Variants in SMYD3 observed in about 807,000 individuals in gnomAD.
SMYD3 encodes SET and MYND domain containing 3.
SMYD3 carries 36 observed loss-of-function variants against 57.7 expected under a neutral mutation model. The observed-to-expected ratio is 0.62, with a 90% CI of 0.48 to 0.82. SMYD3 has a LOEUF of 0.82. SMYD3 is among the 40% of genes least tolerant of loss of function. The pLI is 0.00. For missense variants in SMYD3, 515 were observed against 538.8 expected, an observed-to-expected ratio of 0.96 and a Z score of 0.44; for synonymous variants, 211 against 195.0, an observed-to-expected ratio of 1.08 and a Z score of -0.68.
intron 1 of SMYD3, among the ~76,000 whole-genome samples, chr1:246,410,307 T>C (rs2066942997): frequency 6.6e-6 from 1 of 152,194 alleles, no homozygotes; most frequent in Non-Finnish European, 1.5e-5. Context: ...GGCTGTGGGT[T>C]TGTCATAGAT....
At chr1:246,174,517 G>A (rs2062400287) in intron 5 of SMYD3, among the ~76,000 whole-genome samples, 1 of 152,178 alleles carries the variant, frequency 6.6e-6, no homozygotes, top group African/African-American at 2.4e-5. Flanking sequence ...CACAATTAAA[G>A]CCCACTGCAG....
intron 5 of SMYD3, among the ~76,000 whole-genome samples, chr1:245,972,565 T>A (rs184629002): frequency 1.3e-5 from 2 of 152,346 alleles, no homozygotes; most frequent in Admixed American, 1.3e-4. Context: ...CAACATCTGT[T>A]CTCCCTTGCT....
At chr1:246,088,572 T>C (rs575225409) in intron 5 of SMYD3, among the ~76,000 whole-genome samples, 1 of 133,114 alleles carries the variant, frequency 7.5e-6, no homozygotes, top group Non-Finnish European at 1.5e-5. Flanking sequence ...ATCATGCCAC[T>C]GCACTCCAGC....
At chr1:246,255,274 T>C (rs907450126) in intron 5 of SMYD3, among the ~76,000 whole-genome samples, 2 of 151,552 alleles carry the variant, frequency 1.3e-5, no homozygotes, top group Non-Finnish European at 1.5e-5. Context: ...TTGTCATAGA[T>C]GGATCTTATT....
Position 246,362,586 on chromosome 1 carries a change from A to G in SMYD3, c.165-7492T>C, listed in dbSNP as rs565186969. On this transcript the variant is annotated intron_variant, in intron 1 of 11. Transcript: ENST00000490107. ...CCTGATTCTCCCGCCTCAGCCTGCC[A>G]AGTGCCTGCGATTGCAGGCGCGCAC... Among the ~76,000 whole-genome samples, 28 of 151,688 alleles carry G rather than the reference A, an allele frequency of 1.8e-4. No homozygotes were observed. The East Asian group carries it at 1.9e-3, about 10-fold the overall frequency.
chr1:245,838,764 A>G (rs1398759457), intron 10 of SMYD3, among the ~76,000 whole-genome samples: 1 of 152,186 alleles, frequency 6.6e-6, no homozygotes, highest in Non-Finnish European at 1.5e-5. Context: ...GTACATCTCA[A>G]ACTATAATTA....
At chr1:246,228,939 A>G (rs2063370750) in intron 5 of SMYD3, among the ~76,000 whole-genome samples, 1 of 152,204 alleles carries the variant, frequency 6.6e-6, no homozygotes, top group African/African-American at 2.4e-5. Flanking sequence ...ATAAATAGAT[A>G]AAGTGGAATT....
chr1:245,970,929 C>T (rs1278460069), intron 5 of SMYD3, among the ~76,000 whole-genome samples: 1 of 152,174 alleles, frequency 6.6e-6, no homozygotes, highest in Non-Finnish European at 1.5e-5. Context: ...CCATTTGACC[C>T]AGTGATCCCA....
chr1:246,106,680 C>G (rs1182806314), intron 5 of SMYD3, among the ~76,000 whole-genome samples: 1 of 152,150 alleles, frequency 6.6e-6, no homozygotes, highest in Admixed American at 6.5e-5. Context: ...TGGGTTTTCA[C>G]AGCACAACTG....
intron 10 of SMYD3, among the ~76,000 whole-genome samples, chr1:245,844,615 T>TTC (rs746246838): frequency 6.6e-6 from 1 of 151,814 alleles, no homozygotes; most frequent in Non-Finnish European, 1.5e-5. Context: ...CTTTTTTTTT[T>TTC]TCTTCTGATC....
intron 1 of SMYD3, among the ~76,000 whole-genome samples, chr1:246,471,415 T>C (rs1428143895): frequency 1.3e-5 from 2 of 152,190 alleles, no homozygotes; most frequent in Non-Finnish European, 1.5e-5. Flanking sequence ...CAGCCTGGTC[T>C]CAAAATCCTG....
intron 5 of SMYD3, among the ~76,000 whole-genome samples, chr1:246,178,529 A>G (rs972626450): frequency 6.6e-6 from 1 of 152,158 alleles, no homozygotes; most frequent in African/African-American, 2.4e-5. Flanking sequence ...TTGCCACATC[A>G]TACCTGCTCG....
chr1:246,378,440 G>A (rs1382260152), intron 1 of SMYD3, among the ~76,000 whole-genome samples: 5 of 151,566 alleles, frequency 3.3e-5, no homozygotes, highest in Non-Finnish European at 5.9e-5. Context: ...AATAAAAGCA[G>A]GCAGAAAAAT....
intron 5 of SMYD3, among the ~76,000 whole-genome samples, chr1:245,976,496 C>T (rs374764430): frequency 4.3e-3 from 107 of 24,746 alleles, no homozygotes; most frequent in Admixed American, 9.2e-3. Context: ...CCATCGTCTC[C>T]GGCCCAGGGA....
At chr1:246,070,071 G>A (rs567263761) in intron 5 of SMYD3, among the ~76,000 whole-genome samples, 24 of 152,212 alleles carry the variant, frequency 1.6e-4, no homozygotes, top group African/African-American at 5.1e-4. Context: ...TGCCCTGCCC[G>A]TCCTAGACTA....
chr1:246,320,755 A>T (rs1024132226), intron 5 of SMYD3, among the ~76,000 whole-genome samples: 4 of 151,522 alleles, frequency 2.6e-5, no homozygotes, highest in African/African-American at 9.8e-5. Flanking sequence ...TTATGTGCAT[A>T]AAAAAAATCT....
chr1:246,021,849 G>C (rs1328483364), intron 5 of SMYD3, among the ~76,000 whole-genome samples: 1 of 152,190 alleles, frequency 6.6e-6, no homozygotes, highest in Non-Finnish European at 1.5e-5. Context: ...ATTTCAATGT[G>C]ATATTGAGCA....
intron 5 of SMYD3, among the ~76,000 whole-genome samples, chr1:246,013,309 A>G (rs1437165684): frequency 2.0e-5 from 3 of 152,166 alleles, no homozygotes; most frequent in Non-Finnish European, 4.4e-5. Context: ...CCTCCCGAGT[A>G]GCTGGGATTA....
At chr1:245,983,408 C>A (rs896954642) in intron 5 of SMYD3, among the ~76,000 whole-genome samples, 1 of 152,194 alleles carries the variant, frequency 6.6e-6, no homozygotes, top group Non-Finnish European at 1.5e-5. Flanking sequence ...AATGAAACGA[C>A]AACCAGCTTT....
Sources: allele counts gnomAD v4.1 joint callset (sites outside exome capture counted in the v4.1 genomes callset), GRCh38; gene constraint gnomAD v4.1.1; transcripts MANE v1.5; gene names NCBI Gene and HGNC (gene_info 2026-07-23, HGNC 2026-07-21).